The following FAR2 variants were observed in gnomAD, a reference collection of about 807,000 sequenced individuals.
The protein encoded by FAR2 is fatty acyl-CoA reductase 2.
Under a neutral mutation model 56.0 loss-of-function variants are expected in FAR2, and 19 were observed. The ratio of observed to expected loss-of-function variants is 0.34; its 90% CI spans 0.24 to 0.50. The LOEUF is 0.50. Ranked by LOEUF, FAR2 falls within the 20% of genes least tolerant of loss-of-function variation. The pLI, the probability that FAR2 is intolerant of heterozygous loss-of-function variation, is 0.98. For synonymous variants in FAR2, 219 were observed against 218.8 expected, an observed-to-expected ratio of 1.00 and a Z score of -0.01; for missense variants, 508 against 642.2, an observed-to-expected ratio of 0.79 and a Z score of 2.26.
chr12:29,264,659 AG>A (rs3067334), intron 1 of FAR2, among the ~76,000 whole-genome samples: 4 of 86,058 alleles, frequency 4.6e-5, no homozygotes, highest in African/African-American at 1.9e-4. Context: ...AAATAAATAA[AG>A]GAGAGAGAGA....
chr12:29,160,138 G>A (rs547192936), intron 1 of FAR2, among the ~76,000 whole-genome samples: 1 of 152,294 alleles, frequency 6.6e-6, no homozygotes, highest in East Asian at 1.9e-4. Flanking sequence ...ACTGCTTTAG[G>A]AGCCATTAAG....
At chr12:29,175,603 C>T (rs975756885) in intron 1 of FAR2, among the ~76,000 whole-genome samples, 2 of 152,224 alleles carry the variant, frequency 1.3e-5, no homozygotes, top group African/African-American at 4.8e-5. Flanking sequence ...GCTGATTGAT[C>T]CATTTTACAG....
intron 1 of FAR2, among the ~76,000 whole-genome samples, chr12:29,164,759 T>A (rs549814907): frequency 6.6e-6 from 1 of 152,234 alleles, no homozygotes; most frequent in African/African-American, 2.4e-5. Flanking sequence ...ACTGTTCGTG[T>A]GATGAGTCTC....
intron 1 of FAR2, among the ~76,000 whole-genome samples, chr12:29,257,689 A>G (rs1029883592): frequency 1.3e-5 from 2 of 151,610 alleles, no homozygotes; most frequent in Admixed American, 6.6e-5. Flanking sequence ...GAGCTGTAAC[A>G]CTCACCTCGA....
At chr12:29,179,527 A>C (rs1949972800) in intron 1 of FAR2, among the ~76,000 whole-genome samples, 1 of 152,214 alleles carries the variant, frequency 6.6e-6, no homozygotes, top group African/African-American at 2.4e-5. Context: ...GCAAAGGTGA[A>C]AATTCTTTTC....
chr12:29,177,181 A>G (rs1479247502), intron 1 of FAR2, among the ~76,000 whole-genome samples: 1 of 152,214 alleles, frequency 6.6e-6, no homozygotes, highest in Non-Finnish European at 1.5e-5. Flanking sequence ...TTTAGAGATG[A>G]TATTTGAGTG....
At chr12:29,150,723 A>G (rs1422008781) in intron 1 of FAR2, among the ~76,000 whole-genome samples, 1 of 152,178 alleles carries the variant, frequency 6.6e-6, no homozygotes, top group Non-Finnish European at 1.5e-5. Flanking sequence ...GCGTGTGTCA[A>G]TATTTCATCG....
chr12:29,316,701 T>C (rs1385196072), intron 8 of FAR2, 140 bp from the exon 9 acceptor site: 5 of 826,870 alleles, frequency 6.0e-6, no homozygotes, highest in Admixed American at 2.7e-5. Context: ...AAAATCTTTA[T>C]ATTGTTCTCA....
chr12:29,264,675 G>GAA (rs71042973), intron 1 of FAR2, among the ~76,000 whole-genome samples: 1 of 65,848 alleles, frequency 1.5e-5, no homozygotes, highest in South Asian at 4.4e-4. Context: ...GAGAGAGAGA[G>GAA]GAGGAGAGGG....
At chr12:29,208,828 G>A (rs1021264327) in intron 1 of FAR2, among the ~76,000 whole-genome samples, 1 of 152,156 alleles carries the variant, frequency 6.6e-6, no homozygotes, top group African/African-American at 2.4e-5. Flanking sequence ...CCTAGAATTG[G>A]ACTAATGAGT....
At chr12:29,246,090 AAT>A (rs1948123706) in intron 1 of FAR2, among the ~76,000 whole-genome samples, 1 of 151,640 alleles carries the variant, frequency 6.6e-6, no homozygotes, top group East Asian at 1.9e-4. Flanking sequence ...ATATTTTTTT[AAT>A]ATATACATCA....
intron 1 of FAR2, among the ~76,000 whole-genome samples, chr12:29,266,373 C>T (rs1489394853): frequency 1.3e-5 from 2 of 151,970 alleles, no homozygotes; most frequent in South Asian, 4.1e-4. Context: ...AGATGGAGGA[C>T]ATTATATTAA....
intron 8 of FAR2, 103 bp downstream of exon 8, chr12:29,312,053 CA>C: frequency 2.7e-6 from 2 of 746,542 alleles, no homozygotes; most frequent in Non-Finnish European, 4.4e-6. Context: ...GGGAGAAAGA[CA>C]AAAAGTAAGT....
chr12:29,275,496 T>A (rs1458718436), intron 2 of FAR2, among the ~76,000 whole-genome samples: 2 of 152,120 alleles, frequency 1.3e-5, no homozygotes. Context: ...GATGGCTGGG[T>A]CAAATGGTAT....
intron 1 of FAR2, among the ~76,000 whole-genome samples, chr12:29,257,067 C>T (rs545600651): frequency 5.3e-5 from 8 of 152,346 alleles, no homozygotes; most frequent in Non-Finnish European, 1.2e-4. Context: ...CATCTGTAGA[C>T]CGAGTGCGGG....
intron 1 of FAR2, among the ~76,000 whole-genome samples, chr12:29,264,659 A>ATAAATAAAT (rs1555116340): frequency 4.6e-5 from 4 of 86,058 alleles, no homozygotes; most frequent in South Asian, 3.8e-4. Flanking sequence ...AAATAAATAA[A>ATAAATAAAT]GGAGAGAGAG....
chr12:29,307,407 G>GCCTA (rs58056460), intron 4 of FAR2, among the ~76,000 whole-genome samples: 44,018 of 151,200 alleles, frequency 0.29, 6,447 homozygotes, highest in East Asian at 0.35. Flanking sequence ...CTACCTGCCT[G>GCCTA]CCTACCTACC....
intron 2 of FAR2, among the ~76,000 whole-genome samples, chr12:29,286,230 G>A (rs982778005): frequency 2.6e-5 from 4 of 152,080 alleles, no homozygotes; most frequent in African/African-American, 4.8e-5. Flanking sequence ...TTCATTACAC[G>A]AATCCTCAGA....
In FAR2 at chr12:29,188,987, A is replaced by G. The variant is rs1950073581; in HGVS notation, c.-39+39580A>G. On this transcript the variant is annotated intron_variant, in intron 1 of 11. Coordinates refer to ENST00000536681, the MANE Select transcript of FAR2 (RefSeq NM_001271783.2). ...AGGTAGCCACATGCCATTACTGGAG[A>G]TGTTAACCTTCATCACTTAGTTCCG... is the stretch of plus-strand genomic sequence containing the variant. Among the ~76,000 whole-genome samples the G allele has an allele frequency of 3.3e-5, 5 of 151,982 alleles. 1 individual carries two copies. Among genetic ancestry groups the G allele is most frequent in the Admixed American group, 3.3e-4 (5 of 15,254 alleles).
Sources: gnomAD v4.1 joint callset for allele counts (sites outside exome capture counted in the v4.1 genomes callset) on GRCh38, gnomAD v4.1.1 for gene constraint, MANE v1.5 for transcripts, NCBI Gene and HGNC (gene_info 2026-07-23, HGNC 2026-07-21) for gene names.